Variants in ITPR1 observed in about 807,000 individuals in gnomAD.
ITPR1 encodes inositol 1,4,5-trisphosphate receptor type 1.
A neutral mutation model predicts 318.4 loss-of-function variants in ITPR1; 96 were observed. That is an observed-to-expected ratio of 0.30 (90% CI 0.26 to 0.36). The LOEUF (loss-of-function observed/expected upper bound fraction) is 0.36. Among genes scored for constraint, ITPR1 ranks in the 10% least tolerant of loss-of-function variants. The probability of loss-of-function intolerance (pLI) is 1.00; values close to 1 mark genes in which losing one functional copy is unlikely to be tolerated. For synonymous variants in ITPR1, 1,312 were observed against 1,289.9 expected (o/e 1.02, Z -0.37); for missense variants, 2,440 against 3,460.2 (o/e 0.71, Z 7.40).
chr3:4,552,575 G>A (rs1293642550), intron 4 of ITPR1, among the ~76,000 whole-genome samples: 1 of 152,186 alleles, frequency 6.6e-6, no homozygotes, highest in Non-Finnish European at 1.5e-5. Context: ...TCCTCCCAGT[G>A]GGTGGATGAG....
Position 4,725,576 on chromosome 3 carries a change from A to G in ITPR1, c.5167A>G (p.Thr1723Ala), listed in dbSNP as rs764533942. 2.0e-5 allele frequency: 32 copies of G among 1,598,956 alleles called. No individual in the cohort carries two copies. The highest frequency in any genetic ancestry group is 2.3e-5 in the Non-Finnish European group (27 of 1,179,530). Residue 1723 changes from threonine to alanine, a missense_variant, in exon 41 of 62, where the codon ACT becomes GCT. Thr to Ala is a moderately conservative substitution (Grantham distance 58). Around this residue, in one of 23 missense-constraint regions of ITPR1, gnomAD observed 166 missense variants for 143.7 expected, o/e 1.16. Transcript: ENST00000649015. ...LPPAPDSENATEELEPSPPLR... is the reference protein window; with the variant it reads ...LPPAPDSENAAEELEPSPPLR... ...TCCAGCTCCGGATTCTGAGAACGCC[A>G]CTGAGGTGTGTTGCCCGCCTATATT...
intron 20 of ITPR1, among the ~76,000 whole-genome samples, chr3:4,672,766 A>G (rs921361386): frequency 1.3e-5 from 2 of 152,218 alleles, no homozygotes; most frequent in Non-Finnish European, 2.9e-5. Context: ...TCTTTACTGT[A>G]TAAAACACAG....
intron 39 of ITPR1, 52 bp from the exon 40 acceptor site, chr3:4,717,315 A>T: frequency 7.4e-7 from 1 of 1,359,730 alleles, no homozygotes; most frequent in Non-Finnish European, 1.0e-6. Context: ...GCTGGCTTGT[A>T]TTTCCTTTCC....
intron 45 of ITPR1, among the ~76,000 whole-genome samples, chr3:4,767,838 C>T (rs1005383643): frequency 1.3e-5 from 2 of 152,170 alleles, no homozygotes; most frequent in Non-Finnish European, 2.9e-5. Flanking sequence ...CAGTTCCCCT[C>T]ATTTCAGACT....
intron 4 of ITPR1, among the ~76,000 whole-genome samples, chr3:4,607,442 A>G (rs1184923986): frequency 6.6e-6 from 1 of 152,180 alleles, no homozygotes; most frequent in Non-Finnish European, 1.5e-5. Context: ...GTGTTTTAAT[A>G]AAGTCCCCTT....
chr3:4,808,412 T>G (rs1346217891), intron 55 of ITPR1, among the ~76,000 whole-genome samples: 1 of 152,204 alleles, frequency 6.6e-6, no homozygotes, highest in Non-Finnish European at 1.5e-5. Context: ...GAAACTGGCA[T>G]TTCACGTTCC....
rs181779221 is a variant in ITPR1 at position 4,638,927 on chromosome 3, A to G, written c.280-457A>G. Among the ~76,000 whole-genome samples the G allele has an allele frequency of 2.2e-3, 337 of 152,262 alleles. 2 individuals are homozygous for G. Among genetic ancestry groups the G allele is most frequent in the Non-Finnish European group, 3.8e-3 (260 of 68,016 alleles). On this transcript the variant is annotated intron_variant, in intron 5 of 61. Transcript: ENST00000649015. ...TGATCCTTATTTTACAAAGGAGGAG[A>G]CCCAGGCTCACTGATATTAAATAAC...
intron 11 of ITPR1, among the ~76,000 whole-genome samples, chr3:4,652,973 ATGAGACTCTG>A (rs2093629974): frequency 6.6e-6 from 1 of 152,144 alleles, no homozygotes; most frequent in Non-Finnish European, 1.5e-5. Flanking sequence ...GGGTGACAGA[ATGAGACTCTG>A]TCTCAAAAAA....
chr3:4,713,684 C>T (rs1406222528), intron 39 of ITPR1, among the ~76,000 whole-genome samples: 1 of 152,158 alleles, frequency 6.6e-6, no homozygotes, highest in African/African-American at 2.4e-5. Flanking sequence ...TTGAGAGGAC[C>T]CTCAAAGGAG....
chr3:4,522,279 T>C (rs1462330000), intron 4 of ITPR1, among the ~76,000 whole-genome samples: 2 of 152,358 alleles, frequency 1.3e-5, no homozygotes, highest in East Asian at 3.9e-4. Flanking sequence ...ATTTGACTGA[T>C]GACTTCAGTC....
intron 4 of ITPR1, among the ~76,000 whole-genome samples, chr3:4,535,385 G>A (rs1431124090): frequency 6.6e-6 from 1 of 150,408 alleles, no homozygotes; most frequent in African/African-American, 2.4e-5. Flanking sequence ...GACACTTGTT[G>A]GTGATCTGCT....
intron 2 of ITPR1, among the ~76,000 whole-genome samples, chr3:4,502,980 G>T (rs1238764905): frequency 6.6e-6 from 1 of 152,044 alleles, no homozygotes; most frequent in African/African-American, 2.4e-5. Context: ...AGCTACTTGG[G>T]AGGCTGAGGC....
intron 44 of ITPR1, among the ~76,000 whole-genome samples, chr3:4,759,825 GT>G (rs1305766539): frequency 6.6e-6 from 1 of 152,180 alleles, no homozygotes; most frequent in Non-Finnish European, 1.5e-5. Flanking sequence ...TTGCTCTTTT[GT>G]TGTGGTTGAA....
At chr3:4,835,565 AGTGTGT>A (rs57292347) in intron 60 of ITPR1, among the ~76,000 whole-genome samples, 3 of 151,298 alleles carry the variant, frequency 2.0e-5, no homozygotes, top group African/African-American at 7.3e-5. Context: ...ATTCCGAGTG[AGTGTGT>A]GTGTGTGTGG....
chr3:4,697,439 C>T (rs1387494532), intron 34 of ITPR1, among the ~76,000 whole-genome samples, 167 bp downstream of exon 34: 1 of 124,420 alleles, frequency 8.0e-6, no homozygotes, highest in Non-Finnish European at 1.8e-5. Flanking sequence ...ACTTTCTTCT[C>T]ATGTATCCTT....
chr3:4,706,555 T>G (rs2094762091), intron 37 of ITPR1, among the ~76,000 whole-genome samples: 1 of 152,216 alleles, frequency 6.6e-6, no homozygotes, highest in African/African-American at 2.4e-5. Flanking sequence ...AGTGATGGTC[T>G]TTAAAGGTTA....
At chr3:4,555,576 A>C (rs1033651739) in intron 4 of ITPR1, among the ~76,000 whole-genome samples, 13 of 152,220 alleles carry the variant, frequency 8.5e-5, no homozygotes, top group Non-Finnish European at 5.9e-5. Context: ...TCAGTGCTAA[A>C]AATAAGTGGG....
rs148789910 is a variant in ITPR1, at chr3:4,756,166, T to G, written c.5545-10364T>G. ...CTGGTTTAAAATGTTGGGAAATGCT[T>G]TATGTGGAAAGGCTGGGGATTACTT... is the stretch of plus-strand genomic sequence containing the variant. On this transcript the variant is annotated intron_variant, in intron 44 of 61. Coordinates refer to ENST00000649015, the MANE Select transcript of ITPR1 (RefSeq NM_001378452.1). Among the ~76,000 whole-genome samples the G allele has an allele frequency of 5.3e-5, 8 of 152,234 alleles. No homozygotes were observed. In the East Asian group the frequency reaches 1.5e-3, roughly 29 times the overall value.
In ITPR1 at chr3:4,541,551, T is replaced by C. The variant is rs139254013; in HGVS notation, c.163+20457T>C. 2.2e-3 allele frequency among the ~76,000 whole-genome samples: 339 copies of C among 152,278 alleles called. 2 individuals are homozygous for C. Among genetic ancestry groups the C allele is most frequent in the Admixed American group, 4.6e-3 (70 of 15,294 alleles). On this transcript the variant is annotated intron_variant, in intron 4 of 61. Transcript: ENST00000649015. ...GTTTCTTTTTATTTATCCTGCATGA[T>C]ATTTGTTAAGTTCCTAGATTTGAGG... is the stretch of plus-strand genomic sequence containing the variant.
Sources: gnomAD v4.1 joint callset for allele counts (sites outside exome capture counted in the v4.1 genomes callset) on GRCh38, gnomAD v4.1.1 for gene constraint, gnomAD v4.1.1 regional missense constraint, MANE v1.5 for transcripts, NCBI Gene and HGNC (gene_info 2026-07-23, HGNC 2026-07-21) for gene names.